The following ABR variants were observed in gnomAD, a reference collection of about 807,000 sequenced individuals.
ABR encodes active breakpoint cluster region-related protein.
ABR carries 35 observed loss-of-function variants against 107.2 expected under a neutral mutation model. The ratio of observed to expected loss-of-function variants is 0.33; its 90% CI spans 0.25 to 0.43. ABR has a LOEUF of 0.43. Ranked by LOEUF, ABR falls within the 20% of genes least tolerant of loss-of-function variation. ABR has a pLI of 1.00. For synonymous variants in ABR, 498 were observed against 462.0 expected (o/e 1.08, Z -1.00); for missense variants, 815 against 1,115.2 (o/e 0.73, Z 3.83).
At chr17:1,052,209 G>A (rs191389767) in intron 14 of ABR, among the ~76,000 whole-genome samples, 259 of 151,866 alleles carry the variant, frequency 1.7e-3, no homozygotes, top group African/African-American at 6.0e-3. Flanking sequence ...GGATTTGCAG[G>A]TGAACAACAC....
intron 1 of ABR, among the ~76,000 whole-genome samples, chr17:1,137,392 G>A (rs576060121): frequency 2.0e-5 from 3 of 152,140 alleles, no homozygotes; most frequent in South Asian, 4.2e-4. Flanking sequence ...CGCACACCTC[G>A]AGGCCACTGT....
At chr17:1,115,859 G>A (rs533037967) in intron 2 of ABR, among the ~76,000 whole-genome samples, 9 of 151,164 alleles carry the variant, frequency 6.0e-5, no homozygotes, top group Admixed American at 2.0e-4. Flanking sequence ...CCCGGGAGGC[G>A]GAAGCTGCAG....
intron 1 of ABR, among the ~76,000 whole-genome samples, chr17:1,195,304 C>CAAAAAAAAAA (rs564020208): frequency 0.097 from 7,789 of 79,982 alleles, 484 homozygotes; most frequent in East Asian, 0.25. Flanking sequence ...GAGACTGTCT[C>CAAAAAAAAAA]AAAAAAAAAA....
intron 1 of ABR, among the ~76,000 whole-genome samples, chr17:1,222,972 C>G (rs1007253483): frequency 1.6e-4 from 25 of 151,904 alleles, no homozygotes; most frequent in Non-Finnish European, 1.0e-4. Context: ...GAGTCCGAGT[C>G]AGGCAGATCA....
At chr17:1,216,352 C>G (rs1598142950) in intron 1 of ABR, among the ~76,000 whole-genome samples, 2 of 152,166 alleles carry the variant, frequency 1.3e-5, no homozygotes, top group South Asian at 2.1e-4. Flanking sequence ...TGCCTAGAGT[C>G]ACGCAGGAGT....
chr17:1,152,723 AG>A (rs2040849917), intron 1 of ABR, among the ~76,000 whole-genome samples: 2 of 152,154 alleles, frequency 1.3e-5, no homozygotes, highest in African/African-American at 4.8e-5. Context: ...ATCTGAACCC[AG>A]GCATTGCACT....
At chr17:1,048,006 C>T (rs559154495) in intron 16 of ABR, among the ~76,000 whole-genome samples, 3 of 152,292 alleles carry the variant, frequency 2.0e-5, no homozygotes, top group Admixed American at 1.3e-4. Flanking sequence ...TGTGGCGTGG[C>T]GACCACTCGT....
chr17:1,115,942 A>G (rs938806468), intron 2 of ABR, among the ~76,000 whole-genome samples: 2 of 119,610 alleles, frequency 1.7e-5, no homozygotes, highest in African/African-American at 6.4e-5. Context: ...AATAAAATAC[A>G]TAGGCTGGGC....
In ABR at chr17:1,038,783, C is replaced by T. The variant is rs1252126154; in HGVS notation, c.1791+11267G>A. Among the ~76,000 whole-genome samples, 6 of 152,260 alleles carry T rather than the reference C, an allele frequency of 3.9e-5. No homozygotes were observed. In the East Asian group the frequency reaches 1.2e-3, roughly 29 times the overall value. Reference sequence around the variant, plus strand: ...CCCCCGCTCAGCATTCATCTGCAGCCTCAGCCCTAACTCAAGAAATTCTCT... The same window carrying T: ...CCCCCGCTCAGCATTCATCTGCAGCTTCAGCCCTAACTCAAGAAATTCTCT... On this transcript the variant is annotated intron_variant, in intron 16 of 22. Transcript: ENST00000302538.
At chr17:1,169,746 T>C (rs1255773704) in intron 1 of ABR, among the ~76,000 whole-genome samples, 1 of 152,198 alleles carries the variant, frequency 6.6e-6, no homozygotes, top group African/African-American at 2.4e-5. Context: ...AGGACCTCGA[T>C]GCTCAGTGGC....
chr17:1,036,182 C>T (rs935074517), intron 16 of ABR, among the ~76,000 whole-genome samples: 3 of 152,196 alleles, frequency 2.0e-5, no homozygotes, highest in African/African-American at 7.2e-5. Context: ...CTCGTCCTAT[C>T]CGCTAGCGCA....
At chr17:1,012,243 G>T (rs1567565707) in intron 18 of ABR, 1 of 675,658 alleles carries the variant, frequency 1.5e-6, no homozygotes, top group Non-Finnish European at 2.7e-6. Flanking sequence ...AGACTCTAGG[G>T]AAAGAACGTC....
chr17:1,015,889 C>T (rs1364028127), intron 16 of ABR, among the ~76,000 whole-genome samples: 6 of 152,072 alleles, frequency 3.9e-5, no homozygotes, highest in East Asian at 3.8e-4. Context: ...TAGAGTGAAA[C>T]GAGGCTCAGC....
Position 1,109,201 on chromosome 17 carries a change from C to T in ABR, c.247-8466G>A, listed in dbSNP as rs543307369. 2,715 of 1,242,890 alleles carry T rather than the reference C, an allele frequency of 2.2e-3. 5 individuals are homozygous for T. The highest frequency in any genetic ancestry group is 2.5e-3 in the Non-Finnish European group (2,331 of 943,836). 77.0% of individuals were successfully genotyped at this position (1,242,890 alleles called of 1,614,324 possible). ...CGCGCCCGGCCTGGGGCTCCCGACC[C>T]GGGACTGCATCCCGGACCTAGTCCA... On this transcript the variant is annotated intron_variant, in intron 2 of 22. Transcript: ENST00000302538.
chr17:1,062,041 G>A (rs2151102139), intron 10 of ABR, among the ~76,000 whole-genome samples: 1 of 152,324 alleles, frequency 6.6e-6, no homozygotes, highest in Non-Finnish European at 1.5e-5. Flanking sequence ...CAAGACTGTG[G>A]TGGGCGTGGG....
At chr17:1,228,563 G>A (rs1229398803) in intron 1 of ABR, among the ~76,000 whole-genome samples, 1 of 152,098 alleles carries the variant, frequency 6.6e-6, no homozygotes, top group Non-Finnish European at 1.5e-5. Flanking sequence ...TGCCGCCGCC[G>A]CCAGTTCATT....
At position 1,027,598 on chromosome 17, in the gene ABR, C is replaced by T. The variant is rs1033769028; in HGVS notation, c.1792-14434G>A. Among the ~76,000 whole-genome samples the T allele has an allele frequency of 5.9e-5, 9 of 152,052 alleles. No individual in the cohort carries two copies. The highest frequency in any genetic ancestry group is 7.2e-5 in the African/African-American group (3 of 41,408). ...AAGTGCTGTGGAAAAGAGGGAGGGT[C>T]GCCCGACCCCACTGCCAACCTGTCA... On this transcript the variant is annotated intron_variant, in intron 16 of 22. Transcript: ENST00000302538. This position sits in a 1 kb window ranked among gnomAD's most constrained non-coding sequence, Gnocchi z 4.7.
chr17:1,014,208 A>G (rs372478775), intron 16 of ABR, among the ~76,000 whole-genome samples: 6 of 151,842 alleles, frequency 4.0e-5, no homozygotes, highest in Non-Finnish European at 7.4e-5. Flanking sequence ...TTGAGAGGCC[A>G]AGGCAGGCAG....
At chr17:1,184,310 C>T (rs1039012675), upstream of ABR, among the ~76,000 whole-genome samples, 1 of 152,096 alleles carries the variant, frequency 6.6e-6, no homozygotes, top group Non-Finnish European at 1.5e-5. Flanking sequence ...AAAACATTAG[C>T]TGGGCATGGT....
Sources: gnomAD v4.1 joint callset for allele counts (sites outside exome capture counted in the v4.1 genomes callset) on GRCh38, gnomAD v4.1.1 for gene constraint, Gnocchi (gnomAD v3.1) non-coding constraint, MANE v1.5 for transcripts, NCBI Gene and HGNC (gene_info 2026-07-23, HGNC 2026-07-21) for gene names.